CNTN4: variants seen among roughly 807,000 people sequenced by gnomAD.
The protein encoded by CNTN4 is contactin-4.
Under a neutral mutation model 122.5 loss-of-function variants are expected in CNTN4, and 77 were observed. That is an observed-to-expected ratio of 0.63 (90% CI 0.52 to 0.76). CNTN4 has a LOEUF of 0.76. Ranked by LOEUF, CNTN4 falls within the 30% of genes least tolerant of loss-of-function variation. The probability of loss-of-function intolerance (pLI) is 0.00; values close to 1 mark genes in which losing one functional copy is unlikely to be tolerated. For missense variants in CNTN4, 1,256 were observed against 1,259.1 expected (o/e 1.00, Z 0.04); for synonymous variants, 512 against 447.0 (o/e 1.15, Z -1.83).
At position 2,764,545 on chromosome 3, in the gene CNTN4, A is replaced by G. The variant is rs566992694; in HGVS notation, c.358+18848A>G. ...GTGGGAGGGAGGAAGAAAAGGGAAGAGAGTTTGTCCTGCATTTTAGCTCAA... is the reference window on the plus strand; with the variant it reads ...GTGGGAGGGAGGAAGAAAAGGGAAGGGAGTTTGTCCTGCATTTTAGCTCAA... On this transcript the variant is annotated intron_variant, in intron 6 of 24. Coordinates refer to ENST00000418658, the MANE Select transcript of CNTN4 (RefSeq NM_175607.3). Among the ~76,000 whole-genome samples, 3 of 152,292 alleles carry G rather than the reference A, an allele frequency of 2.0e-5. No individual in the cohort carries two copies. The South Asian group carries it at 6.2e-4, about 32-fold the overall frequency.
At chr3:2,989,961 A>G (rs764853706) in intron 14 of CNTN4, among the ~76,000 whole-genome samples, 2 of 152,234 alleles carry the variant, frequency 1.3e-5, no homozygotes, top group African/African-American at 4.8e-5. Flanking sequence ...ATCTTAAATC[A>G]TAGTTAAAAG....
intron 6 of CNTN4, among the ~76,000 whole-genome samples, chr3:2,808,451 A>T (rs2150120320): frequency 6.6e-6 from 1 of 152,294 alleles, no homozygotes; most frequent in Non-Finnish European, 1.5e-5. Flanking sequence ...TATAAAGTAA[A>T]ATTCAAAATG....
rs367948384 is a variant in CNTN4 at position 2,642,252 on chromosome 3, G to T, written c.55+70694G>T. Among the ~76,000 whole-genome samples the T allele has an allele frequency of 1.2e-3, 178 of 152,302 alleles. 1 individual carries two copies. The highest frequency in any genetic ancestry group is 3.9e-3 in the African/African-American group (161 of 41,552). On this transcript the variant is annotated intron_variant, in intron 4 of 24. Coordinates refer to ENST00000418658, the MANE Select transcript of CNTN4 (RefSeq NM_175607.3). The stretch of plus-strand genomic sequence containing the variant: ...GCATGCAGCATGGAAGAAAGATGTA[G>T]GGTGGGAGATTAAGCCCGTTCAGTC...
intron 6 of CNTN4, among the ~76,000 whole-genome samples, chr3:2,813,154 CTGCATGATAG>C (rs1195645858): frequency 6.6e-6 from 1 of 152,170 alleles, no homozygotes; most frequent in East Asian, 1.9e-4. Flanking sequence ...TTTAAATTTG[CTGCATGATAG>C]TGAGTTTTTA....
chr3:2,629,591 T>G, intron 4 of CNTN4: 1 of 449,874 alleles, frequency 2.2e-6, no homozygotes, highest in Non-Finnish European at 4.5e-6. Context: ...TGAGTTGACT[T>G]TATAAGAAAA....
chr3:2,210,055 C>G (rs1248516915), intron 2 of CNTN4, among the ~76,000 whole-genome samples: 3 of 152,062 alleles, frequency 2.0e-5, no homozygotes, highest in East Asian at 3.9e-4. Context: ...CAGTGTCTTA[C>G]AAAACTATTT....
At chr3:2,704,444 T>TA (rs1197696109) in intron 4 of CNTN4, among the ~76,000 whole-genome samples, 2 of 151,778 alleles carry the variant, frequency 1.3e-5, no homozygotes, top group Non-Finnish European at 1.5e-5. Context: ...AAAATCAATT[T>TA]AAAAAATACA....
In CNTN4 at chr3:2,923,292, A is replaced by T. The variant is rs539331708; in HGVS notation, c.1208-2337A>T. On this transcript the variant is annotated intron_variant, in intron 12 of 24. Coordinates refer to ENST00000418658, the MANE Select transcript of CNTN4 (RefSeq NM_175607.3). Reference sequence around the variant, plus strand: ...AACTCTATTTCACAAAATATCATTTAAAAAAAAACTTCAAGAATACCTGAC... The same window carrying T: ...AACTCTATTTCACAAAATATCATTTTAAAAAAAACTTCAAGAATACCTGAC... Among the ~76,000 whole-genome samples the T allele has an allele frequency of 9.6e-3, 771 of 80,122 alleles. 5 individuals carry two copies. Among genetic ancestry groups the T allele is most frequent in the African/African-American group, 0.027 (734 of 27,432 alleles). 52.6% of individuals were successfully genotyped at this position (80,122 alleles called of 152,430 possible).
intron 3 of CNTN4, among the ~76,000 whole-genome samples, chr3:2,505,436 G>A (rs1481999725): frequency 1.3e-5 from 2 of 152,168 alleles, no homozygotes; most frequent in Non-Finnish European, 2.9e-5. Context: ...CAAATGGAAT[G>A]TTCTATAGTC....
intron 4 of CNTN4, among the ~76,000 whole-genome samples, chr3:2,710,396 T>C (rs1273049300): frequency 6.6e-6 from 1 of 152,204 alleles, no homozygotes; most frequent in Non-Finnish European, 1.5e-5. Flanking sequence ...CTGGCTTTTG[T>C]TGTATTTTAA....
intron 3 of CNTN4, among the ~76,000 whole-genome samples, chr3:2,481,055 T>TTCTTTCTTTCTTTCTTTCTTTC (rs1213100693): frequency 5.2e-5 from 7 of 134,798 alleles, no homozygotes; most frequent in African/African-American, 1.1e-4. Flanking sequence ...CTTTCTTTCT[T>TTCTTTCTTTCTTTCTTTCTTTC]TCTTTCTCTC....
At chr3:3,042,931 T>TC in intron 21 of CNTN4, 46 bp from the exon 22 acceptor site, 1 of 1,488,676 alleles carries the variant, frequency 6.7e-7, no homozygotes, top group Non-Finnish European at 9.4e-7. Flanking sequence ...ATTGCAAATA[T>TC]CCCCATTGGG....
intron 14 of CNTN4, among the ~76,000 whole-genome samples, chr3:3,024,231 A>G (rs913791118): frequency 1.2e-4 from 18 of 152,034 alleles, no homozygotes; most frequent in African/African-American, 3.4e-4. Flanking sequence ...AAACCCATAG[A>G]GGTATATCAT....
intron 2 of CNTN4, among the ~76,000 whole-genome samples, chr3:2,168,327 T>C (rs1047798376): frequency 2.1e-4 from 32 of 152,310 alleles, no homozygotes; most frequent in African/African-American, 7.5e-4. Flanking sequence ...AAATATGAGC[T>C]ACTTGGAAAT....
In CNTN4 at chr3:2,828,129, A is replaced by ATG. The variant is rs56662406; in HGVS notation, c.454+8561_454+8562dup. ...TCTCTCTCTCTGTGTGTGTTTGTGT[A>ATG]TGTGTGTGTGTGTGCGTGTGTGTAT... On this transcript the variant is annotated intron_variant, in intron 7 of 24. Transcript: ENST00000418658. 3.0e-3 allele frequency among the ~76,000 whole-genome samples: 459 copies of ATG among 151,220 alleles called. 2 individuals are homozygous for ATG. The highest frequency in any genetic ancestry group is 0.017 in the Middle Eastern group (5 of 288).
At chr3:3,025,063 C>T (rs1325104036) in intron 14 of CNTN4, among the ~76,000 whole-genome samples, 5 of 152,118 alleles carry the variant, frequency 3.3e-5, no homozygotes, top group Non-Finnish European at 5.9e-5. Context: ...GGCATGTATG[C>T]GGCCTTTACA....
chr3:2,917,262 C>G (rs1314660790), intron 12 of CNTN4, among the ~76,000 whole-genome samples: 1 of 151,322 alleles, frequency 6.6e-6, no homozygotes, highest in Admixed American at 6.6e-5. Context: ...CACAGTCCAG[C>G]TTCGGCATCA....
At chr3:2,843,617 C>T (rs866347044) in intron 7 of CNTN4, among the ~76,000 whole-genome samples, 3 of 152,082 alleles carry the variant, frequency 2.0e-5, no homozygotes, top group Non-Finnish European at 4.4e-5. Context: ...AGTGAGTTCT[C>T]GTGAAATCTG....
intron 13 of CNTN4, among the ~76,000 whole-genome samples, chr3:2,934,992 G>A (rs1055195806): frequency 1.3e-5 from 2 of 148,388 alleles, no homozygotes; most frequent in African/African-American, 5.0e-5. Context: ...AAATAGTTAC[G>A]GCGTTGAGCT....
Sources: allele counts gnomAD v4.1 joint callset (sites outside exome capture counted in the v4.1 genomes callset), GRCh38; gene constraint gnomAD v4.1.1; transcripts MANE v1.5; gene names NCBI Gene and HGNC (gene_info 2026-07-23, HGNC 2026-07-21).